HDAC9: variants seen among roughly 807,000 people sequenced by gnomAD.
The protein encoded by HDAC9 is histone deacetylase 9.
In HDAC9, 41 loss-of-function variants were observed where a neutral mutation model predicts 139.4. That is an observed-to-expected ratio of 0.29 (90% CI 0.23 to 0.38). The LOEUF (loss-of-function observed/expected upper bound fraction) is 0.38. Ranked by LOEUF, HDAC9 falls within the 10% of genes least tolerant of loss-of-function variation. HDAC9 has a pLI of 1.00. For synonymous variants in HDAC9, 517 were observed against 476.2 expected, an observed-to-expected ratio of 1.09 and a Z score of -1.12; for missense variants, 1,147 against 1,297.0, an observed-to-expected ratio of 0.88 and a Z score of 1.78.
Position 18,700,608 on chromosome 7 carries a change from A to G in HDAC9, c.1732-26972A>G, listed in dbSNP as rs117107169. ...ACAAATCAGCCCAAAACATAATGAAAACAATAAACACGCATTATTACCCAG... is the reference window on the plus strand; with the variant it reads ...ACAAATCAGCCCAAAACATAATGAAGACAATAAACACGCATTATTACCCAG... On this transcript the variant is annotated intron_variant, in intron 12 of 25. Transcript: ENST00000686413. Among the ~76,000 whole-genome samples the G allele has an allele frequency of 1.9e-3, 292 of 152,298 alleles. 1 individual carries two copies. In the East Asian group the frequency reaches 0.026, roughly 14 times the overall value.
rs187053978 is a variant in HDAC9, at chr7:18,910,157, G to C, written c.2804-25652G>C. Among the ~76,000 whole-genome samples the C allele has an allele frequency of 7.3e-3, 1,102 of 151,940 alleles. 5 individuals carry two copies. Among genetic ancestry groups the C allele is most frequent in the Non-Finnish European group, 0.01 (690 of 67,846 alleles). ...TCTGTAGATTGCTTTGGGTAACAAG[G>C]CTATTTTAACAATATTAATTCATCC... On this transcript the variant is annotated intron_variant, in intron 22 of 25. Transcript: ENST00000686413.
At chr7:18,479,162 A>G (rs1795350988) in intron 1 of HDAC9, among the ~76,000 whole-genome samples, 1 of 152,000 alleles carries the variant, frequency 6.6e-6, no homozygotes, top group Admixed American at 6.6e-5. Context: ...GTGTTCTTTT[A>G]TGTCTCATTT....
Position 18,246,155 on chromosome 7 carries a change from A to G in HDAC9, c.25+83806A>G, listed in dbSNP as rs180797982. Among the ~76,000 whole-genome samples, 302 of 148,324 alleles carry G rather than the reference A, an allele frequency of 2.0e-3. 1 individual carries two copies. The highest frequency in any genetic ancestry group is 7.3e-3 in the African/African-American group (291 of 39,924). On this transcript the variant is annotated intron_variant, in intron 2 of 12. Coordinates refer to the HDAC9 transcript ENST00000417496. ...AGGAAATAGATATTATGGGAAAAAGAAGGGTTGAGCAGGGTAAGGGAGATA... is the reference window on the plus strand; with the variant it reads ...AGGAAATAGATATTATGGGAAAAAGGAGGGTTGAGCAGGGTAAGGGAGATA...
rs562835943 is a variant in HDAC9, at chr7:18,463,987, T to G, written c.-41-32275T>G. On this transcript the variant is annotated intron_variant, in intron 1 of 3. Coordinates refer to the HDAC9 transcript ENST00000413509. ...TCAATTATCCTCAAGGATTTGTATG[T>G]ACTTGAAGTCATGTGATTAAGTTTT... Among the ~76,000 whole-genome samples the G allele has an allele frequency of 2.0e-5, 3 of 152,118 alleles. No individual in the cohort carries two copies. The South Asian group carries it at 6.2e-4, about 31-fold the overall frequency.
chr7:18,216,309 C>T (rs1792309161), intron 2 of HDAC9, among the ~76,000 whole-genome samples: 2 of 152,090 alleles, frequency 1.3e-5, no homozygotes, highest in South Asian at 4.1e-4. Flanking sequence ...ACTGAAATCT[C>T]TTATTTTTAT....
chr7:18,600,157 CATT>C (rs1833573985), intron 6 of HDAC9, among the ~76,000 whole-genome samples: 1 of 151,664 alleles, frequency 6.6e-6, no homozygotes, highest in South Asian at 2.1e-4. Context: ...GTTTTTTTCT[CATT>C]GTTGAGATTT....
chr7:18,242,891 T>G (rs776246038), intron 2 of HDAC9, among the ~76,000 whole-genome samples: 48 of 152,176 alleles, frequency 3.2e-4, no homozygotes, highest in Non-Finnish European at 6.3e-4. Context: ...TGCATCACAT[T>G]TGTTGACAGA....
chr7:18,392,313 T>TCACACACA (rs772738821), intron 1 of HDAC9, among the ~76,000 whole-genome samples: 303 of 111,208 alleles, frequency 2.7e-3, no homozygotes, highest in African/African-American at 9.1e-3. Context: ...TCTCTCTCTC[T>TCACACACA]CTCACACACA....
At chr7:18,773,808 A>G (rs562038453) in intron 16 of HDAC9, among the ~76,000 whole-genome samples, 1 of 152,110 alleles carries the variant, frequency 6.6e-6, no homozygotes, top group East Asian at 1.9e-4. Flanking sequence ...CAGCATTTGT[A>G]TTTTTCATCT....
chr7:18,954,101 A>T (rs1782985665), intron 23 of HDAC9, 45 bp from the exon 24 acceptor site: 1 of 1,318,852 alleles, frequency 7.6e-7, no homozygotes, highest in African/African-American at 1.5e-5. Context: ...GACTTACTAT[A>T]AAGTCATAAT....
chr7:18,625,918 G>T (rs1332163110), intron 6 of HDAC9, among the ~76,000 whole-genome samples: 3 of 118,180 alleles, frequency 2.5e-5, no homozygotes, highest in African/African-American at 3.4e-5. Flanking sequence ...CTACACTCCA[G>T]CCTGGGCAAC....
intron 2 of HDAC9, among the ~76,000 whole-genome samples, chr7:18,261,268 A>G (rs951770314): frequency 6.6e-5 from 10 of 152,084 alleles, no homozygotes; most frequent in Non-Finnish European, 1.2e-4. Context: ...TGATCATGTC[A>G]CTGCACTCCA....
intron 16 of HDAC9, among the ~76,000 whole-genome samples, chr7:18,769,962 C>T (rs529934458): frequency 8.5e-5 from 13 of 152,196 alleles, no homozygotes; most frequent in East Asian, 3.9e-4. Context: ...TTAAAGTAAA[C>T]GCCAGTTCCT....
chr7:18,251,683 C>G (rs906606362), intron 2 of HDAC9, among the ~76,000 whole-genome samples: 1 of 152,198 alleles, frequency 6.6e-6, no homozygotes, highest in Non-Finnish European at 1.5e-5. Flanking sequence ...TTACCTGCAA[C>G]TAAAGAAAAA....
chr7:18,186,046 T>C (rs975562799), intron 2 of HDAC9, among the ~76,000 whole-genome samples: 14 of 152,230 alleles, frequency 9.2e-5, no homozygotes, highest in African/African-American at 2.9e-4. Context: ...TTTTATCAGA[T>C]TGAAAACACT....
chr7:18,562,982 C>T (rs1821083915), intron 2 of HDAC9, among the ~76,000 whole-genome samples: 1 of 151,978 alleles, frequency 6.6e-6, no homozygotes, highest in Admixed American at 6.5e-5. Context: ...TTATGCCCAA[C>T]AATTTTGTTC....
chr7:18,373,785 A>G (rs1784769654), intron 1 of HDAC9, among the ~76,000 whole-genome samples: 1 of 152,142 alleles, frequency 6.6e-6, no homozygotes, highest in African/African-American at 2.4e-5. Context: ...TTGTTTTGGA[A>G]AAAAATGATA....
At chr7:18,412,995 T>C (rs527259967) in intron 1 of HDAC9, among the ~76,000 whole-genome samples, 52 of 152,174 alleles carry the variant, frequency 3.4e-4, no homozygotes, top group Non-Finnish European at 6.8e-4. Context: ...TTAAAATATG[T>C]CCATCTTTAG....
chr7:18,246,195 G>GT (rs539327303), intron 2 of HDAC9, among the ~76,000 whole-genome samples: 431 of 149,918 alleles, frequency 2.9e-3, no homozygotes, highest in African/African-American at 0.01. Flanking sequence ...GTAAGGAGCA[G>GT]TTTGCATTAT....
Sources: allele counts gnomAD v4.1 joint callset (sites outside exome capture counted in the v4.1 genomes callset), GRCh38; gene constraint gnomAD v4.1.1; transcripts MANE v1.5; gene names NCBI Gene and HGNC (gene_info 2026-07-23, HGNC 2026-07-21).